The following GPD2 variants were observed in gnomAD, a reference collection of about 807,000 sequenced individuals.
The protein encoded by GPD2 is glycerol-3-phosphate dehydrogenase, mitochondrial.
In GPD2, 54 loss-of-function variants were observed where a neutral mutation model predicts 82.4. That is an observed-to-expected ratio of 0.66 (90% CI 0.53 to 0.82). GPD2 has a LOEUF of 0.82. Among genes scored for constraint, GPD2 ranks in the 40% least tolerant of loss-of-function variants. The probability of loss-of-function intolerance (pLI) is 0.00; values close to 1 mark genes in which losing one functional copy is unlikely to be tolerated. For missense variants in GPD2, 748 were observed against 896.2 expected, an observed-to-expected ratio of 0.83 and a Z score of 2.11; for synonymous variants, 288 against 306.1, an observed-to-expected ratio of 0.94 and a Z score of 0.62.
chr2:156,583,831 T>C lies in GPD2; in HGVS notation c.*913T>C, dbSNP rs768176307. 3 of 152,646 alleles carry C rather than the reference T, an allele frequency of 2.0e-5. No homozygotes were observed. The highest frequency in any genetic ancestry group is 1.5e-5 in the Non-Finnish European group (1 of 67,980). The allele number at this position is 152,646 out of a possible 1,614,324, so 9.5% of individuals were successfully genotyped here. On this transcript the variant is annotated 3_prime_UTR_variant, in exon 17 of 17. Coordinates refer to ENST00000438166, the MANE Select transcript of GPD2 (RefSeq NM_000408.5). ...CATTTAAGAGTTAAAAATGTGTTTT[T>C]ATATATCCACATATGATAACAAAAG...
intron 1 of GPD2, among the ~76,000 whole-genome samples, chr2:156,452,895 G>A (rs1360718434): frequency 6.6e-6 from 1 of 152,134 alleles, no homozygotes; most frequent in Non-Finnish European, 1.5e-5. Flanking sequence ...TACAGAGGTG[G>A]ATAAGTCATC....
chr2:156,445,830 G>T (rs907996185), intron 1 of GPD2, among the ~76,000 whole-genome samples: 1 of 152,048 alleles, frequency 6.6e-6, no homozygotes, highest in African/African-American at 2.4e-5. Flanking sequence ...TGTCACCCAG[G>T]CATTTCTTTA....
Position 156,448,914 on chromosome 2 carries a change from G to A in GPD2, c.-9+12401G>A, listed in dbSNP as rs1215746960. On this transcript the variant is annotated intron_variant, in intron 1 of 16. Transcript: ENST00000438166. ...GCCAAAATTAAGGAGTTAGCAGGATGTGCTCCCTTCTGAGGAGTGAATATG... is the reference window on the plus strand; with the variant it reads ...GCCAAAATTAAGGAGTTAGCAGGATATGCTCCCTTCTGAGGAGTGAATATG... Among the ~76,000 whole-genome samples the A allele has an allele frequency of 3.3e-5, 5 of 152,308 alleles. No individual in the cohort carries two copies. In the East Asian group the frequency reaches 9.7e-4, roughly 29 times the overall value.
At chr2:156,470,955 TG>T (rs1266821121) in intron 1 of GPD2, among the ~76,000 whole-genome samples, 2 of 152,226 alleles carry the variant, frequency 1.3e-5, no homozygotes, top group Admixed American at 1.3e-4. Flanking sequence ...CTATTACTCT[TG>T]GGAGTTTTAG....
chr2:156,410,132 A>T, the GPD2 span, among the ~76,000 whole-genome samples: 1 of 152,124 alleles, frequency 6.6e-6, no homozygotes, highest in African/African-American at 2.4e-5. Context: ...TTATTTATTT[A>T]TTTTTCTTCC....
chr2:156,441,877 T>A (rs1682187121), intron 1 of GPD2, among the ~76,000 whole-genome samples: 2 of 152,192 alleles, frequency 1.3e-5, no homozygotes, highest in African/African-American at 4.8e-5. Flanking sequence ...GTCAGAAGTA[T>A]TGTGACTAGA....
chr2:156,415,029 G>A, the GPD2 span, among the ~76,000 whole-genome samples: 2 of 151,884 alleles, frequency 1.3e-5, no homozygotes, highest in African/African-American at 2.4e-5. Context: ...AAATTCTTTA[G>A]TGGTGATTTC....
At chr2:156,406,466 A>G in the GPD2 span, among the ~76,000 whole-genome samples, 1 of 152,208 alleles carries the variant, frequency 6.6e-6, no homozygotes, top group African/African-American at 2.4e-5. Flanking sequence ...TCTCCTACAC[A>G]GTGCAGACAA....
intron 6 of GPD2, among the ~76,000 whole-genome samples, chr2:156,548,342 G>C (rs1483494101): frequency 2.6e-5 from 4 of 152,026 alleles, no homozygotes; most frequent in African/African-American, 7.3e-5. Context: ...TATTGTCATT[G>C]TTTTTTTCTT....
At chr2:156,523,488 C>G (rs1319207547) in intron 6 of GPD2, among the ~76,000 whole-genome samples, 1 of 152,082 alleles carries the variant, frequency 6.6e-6, no homozygotes, top group African/African-American at 2.4e-5. Context: ...TCAATTTTAG[C>G]ACTTATAAAC....
chr2:156,506,984 CTAA>C (rs1684806525), intron 3 of GPD2, among the ~76,000 whole-genome samples: 2 of 151,858 alleles, frequency 1.3e-5, no homozygotes, highest in Non-Finnish European at 2.9e-5. Flanking sequence ...ACTAAAAATA[CTAA>C]TATTAGTGCT....
intron 2 of GPD2, among the ~76,000 whole-genome samples, chr2:156,493,539 A>T (rs1471537835): frequency 2.0e-5 from 3 of 152,166 alleles, no homozygotes; most frequent in Admixed American, 6.5e-5. Context: ...TGAGATCCTC[A>T]CACACTAGTG....
chr2:156,430,258 G>A, the GPD2 span, among the ~76,000 whole-genome samples: 1 of 152,034 alleles, frequency 6.6e-6, no homozygotes, highest in Admixed American at 6.6e-5. Flanking sequence ...ATCCCAGTTT[G>A]GCCATCTGCT....
intron 9 of GPD2, among the ~76,000 whole-genome samples, chr2:156,562,141 A>C (rs1687198405): frequency 6.6e-6 from 1 of 152,220 alleles, no homozygotes; most frequent in African/African-American, 2.4e-5. Context: ...AGAGAGACAG[A>C]AGATTTGCTG....
At chr2:156,457,175 A>C (rs550555535) in intron 1 of GPD2, among the ~76,000 whole-genome samples, 1 of 152,292 alleles carries the variant, frequency 6.6e-6, no homozygotes, top group Admixed American at 6.5e-5. Context: ...CAGAGCCAGA[A>C]AGCAACTCCC....
At chr2:156,476,639 T>C (rs1401407990) in intron 2 of GPD2, among the ~76,000 whole-genome samples, 1 of 152,196 alleles carries the variant, frequency 6.6e-6, no homozygotes, top group African/African-American at 2.4e-5. Context: ...TTCTTCAAGG[T>C]TTAGTTACTT....
intron 1 of GPD2, 56 bp downstream of exon 1, chr2:156,436,569 GGTCCC>G (rs1204610424): frequency 6.6e-6 from 1 of 152,310 alleles, no homozygotes. Context: ...GGGGGGGAGT[GGTCCC>G]TTTCTGACCC....
At chr2:156,562,740 T>C (rs1239385038) in intron 9 of GPD2, among the ~76,000 whole-genome samples, 1 of 152,226 alleles carries the variant, frequency 6.6e-6, no homozygotes, top group East Asian at 1.9e-4. Flanking sequence ...TTTGAAATAA[T>C]CACATCATAC....
intron 1 of GPD2, among the ~76,000 whole-genome samples, chr2:156,444,490 A>C (rs905048740): frequency 6.6e-6 from 1 of 152,074 alleles, no homozygotes; most frequent in Non-Finnish European, 1.5e-5. Context: ...AGGCAGGTGG[A>C]TTGCTTGAGG....
Sources: gnomAD v4.1 joint callset for allele counts (sites outside exome capture counted in the v4.1 genomes callset) on GRCh38, gnomAD v4.1.1 for gene constraint, MANE v1.5 for transcripts, NCBI Gene and HGNC (gene_info 2026-07-23, HGNC 2026-07-21) for gene names.